The following DRC9 variants were observed in gnomAD, a reference collection of about 807,000 sequenced individuals.
DRC9 encodes dynein regulatory complex protein 9.
the DRC9 span, chr3:197,957,524 C>T: frequency 7.0e-6 from 1 of 143,574 alleles, no homozygotes; most frequent in Non-Finnish European, 1.5e-5. Context: ...GTGGCGCAAT[C>T]TTGGCTCACT....
the DRC9 span, chr3:197,938,501 C>A: frequency 6.9e-7 from 1 of 1,443,778 alleles, no homozygotes; most frequent in South Asian, 1.1e-5. Context: ...CTTCGCTCAT[C>A]TATGTGTAAA....
chr3:197,896,063 C>T, the DRC9 span, among the ~76,000 whole-genome samples: 1 of 143,580 alleles, frequency 7.0e-6, no homozygotes, highest in East Asian at 2.0e-4. Context: ...AAAAAAAAGG[C>T]TGGGCGCAGT....
At chr3:197,950,932 T>G in the DRC9 span, 1 of 1,614,072 alleles carries the variant, frequency 6.2e-7, no homozygotes, top group Non-Finnish European at 8.5e-7. Flanking sequence ...TTGTTTGTTT[T>G]AAGGCCTGCT....
chr3:197,941,779 C>A, the DRC9 span, among the ~76,000 whole-genome samples: 1 of 151,504 alleles, frequency 6.6e-6, no homozygotes, highest in Non-Finnish European at 1.5e-5. Context: ...CCAGGCTGGT[C>A]TCAAACTTCT....
the DRC9 span, among the ~76,000 whole-genome samples, chr3:197,941,766 T>C: frequency 1.3e-5 from 2 of 151,716 alleles, no homozygotes; most frequent in Non-Finnish European, 2.9e-5. Flanking sequence ...TCTTCTATGC[T>C]GCCCAGGCTG....
chr3:197,894,572 C>T, the DRC9 span: 10 of 152,230 alleles, frequency 6.6e-5, no homozygotes, highest in East Asian at 7.7e-4. Flanking sequence ...ATGGCTCCTG[C>T]GCAAGAGTGA....
the DRC9 span, among the ~76,000 whole-genome samples, chr3:197,911,470 TA>T: frequency 2.0e-5 from 3 of 150,226 alleles, no homozygotes; most frequent in African/African-American, 4.9e-5. Context: ...AACCTAAATA[TA>T]AAAAAAAAGT....
chr3:197,898,792 C>T, the DRC9 span, among the ~76,000 whole-genome samples: 2 of 152,204 alleles, frequency 1.3e-5, no homozygotes, highest in Non-Finnish European at 2.9e-5. Context: ...TGGTCTCGCC[C>T]TTGACATGTG....
chr3:197,912,954 G>A, the DRC9 span: 2 of 569,490 alleles, frequency 3.5e-6, no homozygotes, highest in East Asian at 3.0e-5. Flanking sequence ...TCCCTAACGA[G>A]ACGAGCACAA....
chr3:197,953,847 T>G, the DRC9 span: 1 of 725,276 alleles, frequency 1.4e-6, no homozygotes, highest in Non-Finnish European at 2.5e-6. Context: ...AGTTACTCGA[T>G]AAGTATCTGT....
chr3:197,891,370 G>T, the DRC9 span: 1 of 778,634 alleles, frequency 1.3e-6, no homozygotes, highest in Non-Finnish European at 2.3e-6. Flanking sequence ...AGATGTGTTT[G>T]ATAATGAATT....
the DRC9 span, among the ~76,000 whole-genome samples, chr3:197,904,300 G>A: frequency 6.6e-6 from 1 of 151,912 alleles, no homozygotes; most frequent in Non-Finnish European, 1.5e-5. Flanking sequence ...ATGAATGCTA[G>A]CAAGGCTGTG....
the DRC9 span, among the ~76,000 whole-genome samples, chr3:197,924,262 G>A: frequency 6.6e-6 from 1 of 151,644 alleles, no homozygotes; most frequent in Non-Finnish European, 1.5e-5. Flanking sequence ...GGGAGGCTGA[G>A]GCAGGAGAAT....
the DRC9 span, among the ~76,000 whole-genome samples, chr3:197,953,211 G>A: frequency 6.6e-6 from 1 of 152,164 alleles, no homozygotes; most frequent in Admixed American, 6.5e-5. Context: ...TACAGCCAAT[G>A]TGTTCCTTTA....
the DRC9 span, chr3:197,954,171 G>A: frequency 1.2e-6 from 2 of 1,613,588 alleles, no homozygotes; most frequent in Admixed American, 3.3e-5. Context: ...TTAGCAAAAT[G>A]GACGTCTGAT....
the DRC9 span, chr3:197,945,661 T>C: frequency 6.5e-7 from 1 of 1,549,212 alleles, no homozygotes; most frequent in East Asian, 2.3e-5. Flanking sequence ...CGTGGTATAT[T>C]TATAATCTCA....
chr3:197,941,144 TTCCC>T, the DRC9 span, among the ~76,000 whole-genome samples: 7 of 146,694 alleles, frequency 4.8e-5, no homozygotes, highest in East Asian at 2.0e-4. Context: ...CCTTCCTTCC[TTCCC>T]TCCCTCCCTC....
the DRC9 span, among the ~76,000 whole-genome samples, chr3:197,918,138 A>G: frequency 4.1e-5 from 6 of 146,746 alleles, no homozygotes; most frequent in Non-Finnish European, 7.4e-5. Flanking sequence ...TCTGTTGCCC[A>G]GGCTGGAGTG....
At chr3:197,921,706 TG>T in the DRC9 span, among the ~76,000 whole-genome samples, 1 of 149,566 alleles carries the variant, frequency 6.7e-6, no homozygotes, top group Admixed American at 6.7e-5. Context: ...TCAGTAACTC[TG>T]GGGATTTCAC....
Sources: gnomAD v4.1 joint callset for allele counts (sites outside exome capture counted in the v4.1 genomes callset) on GRCh38, gnomAD v4.1.1 for gene constraint, MANE v1.5 for transcripts, NCBI Gene and HGNC (gene_info 2026-07-23, HGNC 2026-07-21) for gene names.